The following RPS6KA2 variants were observed in gnomAD, a reference collection of about 807,000 sequenced individuals.
The protein encoded by RPS6KA2 is ribosomal protein S6 kinase alpha-2.
RPS6KA2 carries 42 observed loss-of-function variants against 91.8 expected under a neutral mutation model. That is an observed-to-expected ratio of 0.46 (90% CI 0.36 to 0.59). The LOEUF (loss-of-function observed/expected upper bound fraction) is 0.59, where lower values mean the gene tolerates loss of function less well. RPS6KA2 is among the 20% of genes least tolerant of loss of function. The pLI is 0.00. For missense variants in RPS6KA2, 798 were observed against 978.5 expected (o/e 0.82, Z 2.46); for synonymous variants, 414 against 393.6 (o/e 1.05, Z -0.61).
chr6:166,850,212 TC>T (rs1780705011), intron 2 of RPS6KA2, among the ~76,000 whole-genome samples: 1 of 147,264 alleles, frequency 6.8e-6, no homozygotes, highest in Non-Finnish European at 1.5e-5. Context: ...GGATTTTTTT[TC>T]CCCATTTTAT....
rs1398718881 is a variant in RPS6KA2 at position 166,852,696 on chromosome 6, G to A, written c.123+5504C>T. The stretch of plus-strand genomic sequence containing the variant: ...GCAACTCCGGGAGCTGGGCATTGGA[G>A]GAGGCCACGCTGACACGCTCAGGAG... On this transcript the variant is annotated intron_variant, in intron 2 of 21. Transcript: ENST00000503859. This position sits in a 1 kb window ranked among gnomAD's most constrained non-coding sequence, Gnocchi z 4.1. 1.3e-5 allele frequency among the ~76,000 whole-genome samples: 2 copies of A among 152,104 alleles called. No homozygotes were observed. The highest frequency in any genetic ancestry group is 2.1e-4 in the South Asian group (1 of 4,822).
chr6:166,549,711 A>T (rs942038640), intron 1 of RPS6KA2, among the ~76,000 whole-genome samples: 1 of 152,210 alleles, frequency 6.6e-6, no homozygotes, highest in African/African-American at 2.4e-5. Flanking sequence ...GCGATGGGAC[A>T]GTTCTGTATC....
At chr6:166,552,956 A>G (rs901404656) in intron 1 of RPS6KA2, among the ~76,000 whole-genome samples, 5 of 152,202 alleles carry the variant, frequency 3.3e-5, no homozygotes, top group Non-Finnish European at 7.3e-5. Flanking sequence ...TCTAGCTTTG[A>G]CATTGATCTA....
intron 2 of RPS6KA2, among the ~76,000 whole-genome samples, chr6:166,824,216 G>A (rs1323544206): frequency 6.6e-6 from 1 of 152,202 alleles, no homozygotes; most frequent in Admixed American, 6.5e-5. Context: ...GGACGTCATA[G>A]CAAATGAATG....
At position 166,637,953 on chromosome 6, in the gene RPS6KA2, G is replaced by A. The variant is rs764145676; in HGVS notation, c.124-99169C>T. Among the ~76,000 whole-genome samples the A allele has an allele frequency of 3.5e-4, 53 of 152,242 alleles. 1 individual carries two copies. Among genetic ancestry groups the A allele is most frequent in the Non-Finnish European group, 5.9e-5 (4 of 68,038 alleles). On this transcript the variant is annotated intron_variant, in intron 2 of 21. Coordinates refer to the RPS6KA2 transcript ENST00000503859. ...CCCATAACCCCCTGGATGAGGAATCGTGGTTGAACACTGGCGCTAAGCAGG... is the reference window on the plus strand; with the variant it reads ...CCCATAACCCCCTGGATGAGGAATCATGGTTGAACACTGGCGCTAAGCAGG...
intron 14 of RPS6KA2, among the ~76,000 whole-genome samples, chr6:166,438,412 G>A (rs111925119): frequency 1.6e-4 from 25 of 152,342 alleles, no homozygotes; most frequent in African/African-American, 4.1e-4. Flanking sequence ...GCGTGGTCAC[G>A]CCGCGTCACT....
At chr6:166,802,399 T>C (rs779138454) in intron 2 of RPS6KA2, among the ~76,000 whole-genome samples, 6 of 152,048 alleles carry the variant, frequency 3.9e-5, no homozygotes, top group Admixed American at 2.6e-4. Context: ...TCTAGAAAAA[T>C]AGACTACACA....
chr6:166,693,245 TCA>T (rs1789261273), intron 2 of RPS6KA2, among the ~76,000 whole-genome samples: 2 of 152,330 alleles, frequency 1.3e-5, no homozygotes, highest in South Asian at 4.1e-4. Context: ...TTGCCTCCTA[TCA>T]CTGCCTGTGA....
intron 11 of RPS6KA2, among the ~76,000 whole-genome samples, chr6:166,468,424 T>C (rs1233462402): frequency 6.6e-6 from 1 of 152,242 alleles, no homozygotes; most frequent in Non-Finnish European, 1.5e-5. Context: ...TTGAGTGCTT[T>C]GCTGGGGCTC....
At chr6:166,839,208 C>T (rs1424501361) in intron 2 of RPS6KA2, among the ~76,000 whole-genome samples, 1 of 152,168 alleles carries the variant, frequency 6.6e-6, no homozygotes, top group Non-Finnish European at 1.5e-5. Context: ...TCATGGTGTT[C>T]CCCCCTTGTG....
intron 1 of RPS6KA2, chr6:166,858,286 T>C (rs1381462583): frequency 4.4e-6 from 6 of 1,367,052 alleles, no homozygotes; most frequent in Non-Finnish European, 6.2e-6. Context: ...ATGTTAAAGA[T>C]GGTTAGCATT....
chr6:166,618,362 A>G (rs1786494310), intron 1 of RPS6KA2, among the ~76,000 whole-genome samples: 1 of 152,200 alleles, frequency 6.6e-6, no homozygotes, highest in Non-Finnish European at 1.5e-5. Flanking sequence ...AGTCTCCCTA[A>G]GAGACAGCCC....
chr6:166,441,711 T>C (rs1779523509), intron 14 of RPS6KA2, among the ~76,000 whole-genome samples: 1 of 152,260 alleles, frequency 6.6e-6, no homozygotes, highest in Non-Finnish European at 1.5e-5. Context: ...ATGTAGCTTC[T>C]GCAACAAGCC....
intron 17 of RPS6KA2, among the ~76,000 whole-genome samples, chr6:166,420,554 C>T (rs1214929390): frequency 2.0e-5 from 3 of 152,196 alleles, no homozygotes; most frequent in Non-Finnish European, 2.9e-5. Context: ...AAGCTTCCTC[C>T]AGGGGTCAGA....
chr6:166,806,687 A>T (rs1779501035), intron 2 of RPS6KA2, among the ~76,000 whole-genome samples: 1 of 152,216 alleles, frequency 6.6e-6, no homozygotes, highest in African/African-American at 2.4e-5. Flanking sequence ...AAGCAACATC[A>T]AGGAATAAAG....
rs193033766 is a variant in RPS6KA2 at position 166,637,075 on chromosome 6, G to A, written c.124-98291C>T. ...CCACCTAAAGGGCTGGGGAGGTGCC[G>A]CCTCTGTTGTTGTAGCCCAGGCAGG... On this transcript the variant is annotated intron_variant, in intron 2 of 21. Coordinates refer to the RPS6KA2 transcript ENST00000503859. 4.6e-5 allele frequency among the ~76,000 whole-genome samples: 7 copies of A among 152,328 alleles called. No homozygotes were observed. The East Asian group carries it at 1.2e-3, about 25-fold the overall frequency.
Position 166,646,231 on chromosome 6 carries a change from G to A in RPS6KA2, c.124-107447C>T, listed in dbSNP as rs114138589. On this transcript the variant is annotated intron_variant, in intron 2 of 21. Coordinates refer to the RPS6KA2 transcript ENST00000503859. The stretch of plus-strand genomic sequence containing the variant: ...TCAGATCACGTGGAATCTCTTGATC[G>A]GTTCCACATGGACCAGCTTCTGACA... Among the ~76,000 whole-genome samples the A allele has an allele frequency of 7.9e-4, 121 of 152,232 alleles. 1 individual carries two copies. Among genetic ancestry groups the A allele is most frequent in the African/African-American group, 2.7e-3 (113 of 41,530 alleles).
intron 2 of RPS6KA2, among the ~76,000 whole-genome samples, chr6:166,679,129 G>T (rs1295036402): frequency 1.3e-5 from 2 of 152,188 alleles, no homozygotes; most frequent in African/African-American, 4.8e-5. Context: ...TTCAGTAGGA[G>T]ATGTTGCTTT....
At chr6:166,630,535 A>C (rs373337306), upstream of RPS6KA2, among the ~76,000 whole-genome samples, 1 of 152,236 alleles carries the variant, frequency 6.6e-6, no homozygotes, top group Non-Finnish European at 1.5e-5. Context: ...CTTCACCAGG[A>C]TCACCAGGGT....
Sources: allele counts gnomAD v4.1 joint callset (sites outside exome capture counted in the v4.1 genomes callset), GRCh38; gene constraint gnomAD v4.1.1; non-coding constraint Gnocchi (gnomAD v3.1); transcripts MANE v1.5; gene names NCBI Gene and HGNC (gene_info 2026-07-23, HGNC 2026-07-21).